MLKL: variants seen among roughly 807,000 people sequenced by gnomAD.
MLKL encodes the protein mixed lineage kinase domain like pseudokinase.
MLKL carries 55 observed loss-of-function variants against 56.5 expected under a neutral mutation model. That is an observed-to-expected ratio of 0.97 (90% CI 0.78 to 1.22). The LOEUF (loss-of-function observed/expected upper bound fraction) is 1.22. MLKL is among the 50% of genes most tolerant of loss of function. The pLI, the probability that MLKL is intolerant of heterozygous loss-of-function variation, is 0.00. For missense variants in MLKL, 694 were observed against 573.9 expected (o/e 1.21, Z -2.14); for synonymous variants, 251 against 208.3 (o/e 1.20, Z -1.76).
chr16:74,676,357 G>T, intron 7 of MLKL: 1 of 985,430 alleles, frequency 1.0e-6, no homozygotes, highest in African/African-American at 1.7e-5. Flanking sequence ...CTTGTCCCAT[G>T]CACACCTGCC....
At chr16:74,688,629 G>C (rs1384475688) in intron 4 of MLKL, among the ~76,000 whole-genome samples, 1 of 152,032 alleles carries the variant, frequency 6.6e-6, no homozygotes. Flanking sequence ...CATGAGAATT[G>C]CTTGAACCTA....
At chr16:74,676,784 T>C (rs1959622866) in intron 7 of MLKL, 1 of 152,264 alleles carries the variant, frequency 6.6e-6, no homozygotes, top group Non-Finnish European at 1.5e-5. Flanking sequence ...AAAATTCTTT[T>C]AGCATTTGGG....
rs1040564910 is a variant in MLKL at position 74,676,247 on chromosome 16, C to A, written c.1039-483G>T. The A allele has an allele frequency of 6.1e-6, 6 of 991,376 alleles. No individual in the cohort carries two copies. In the African/African-American group the frequency reaches 8.7e-5, roughly 14 times the overall value. 61.4% of individuals were successfully genotyped at this position (991,376 alleles called of 1,614,324 possible). A position where few individuals can be genotyped will look rare whatever the true frequency, so the allele number is the denominator to read the frequency against. ...TGACTTTATGGGGGGTCAGCCTGAT[C>A]CTTTGGCTTTGGCGTGACGAGTGTG... On this transcript the variant is annotated intron_variant, in intron 7 of 10. Coordinates refer to ENST00000308807, the MANE Select transcript of MLKL (RefSeq NM_152649.4).
chr16:74,688,161 G>T (rs1013794829), intron 4 of MLKL, among the ~76,000 whole-genome samples: 2 of 151,502 alleles, frequency 1.3e-5, no homozygotes, highest in Non-Finnish European at 2.9e-5. Context: ...GTGGAGATGG[G>T]GTTTCGCCAT....
chr16:74,685,464 C>G (rs369938423), intron 5 of MLKL, 22 bp downstream of exon 5: 6 of 1,590,144 alleles, frequency 3.8e-6, no homozygotes, highest in Non-Finnish European at 5.2e-6. Flanking sequence ...AAAGCTTGAC[C>G]AATCCTAGAA....
intron 5 of MLKL, among the ~76,000 whole-genome samples, chr16:74,684,887 C>T (rs555039440): frequency 7.2e-5 from 11 of 152,050 alleles, no homozygotes; most frequent in Admixed American, 2.6e-4. Flanking sequence ...ATTTTTGAGA[C>T]GGAGTCTTGC....
chr16:74,674,456 A>AT (rs532485718), intron 10 of MLKL, among the ~76,000 whole-genome samples: 1,861 of 142,936 alleles, frequency 0.013, 20 homozygotes, highest in South Asian at 0.024. Flanking sequence ...CCTGGCCAAC[A>AT]TTTTTTTTTT....
intron 10 of MLKL, among the ~76,000 whole-genome samples, chr16:74,673,727 A>G (rs938973221): frequency 6.6e-6 from 1 of 152,040 alleles, no homozygotes; most frequent in Non-Finnish European, 1.5e-5. Context: ...AAAAAAGGAG[A>G]AAGATAGTCA....
chr16:74,687,321 T>A (rs1262461958), intron 4 of MLKL, among the ~76,000 whole-genome samples: 1 of 152,156 alleles, frequency 6.6e-6, no homozygotes, highest in Non-Finnish European at 1.5e-5. Flanking sequence ...TCCCATGTTC[T>A]TGAATAGGAA....
Position 74,685,504 on chromosome 16 carries a change from T to C in MLKL, c.802A>G (p.Ile268Val), listed in dbSNP as rs1478089022. 1 of 1,614,032 alleles carries C rather than the reference T, an allele frequency of 6.2e-7. No homozygotes were observed. Among genetic ancestry groups the C allele is most frequent in the Admixed American group, 1.7e-5 (1 of 60,020 alleles). ...TCCTTACCTGTTTCATCAATGCAAA[T>C]CCCAAATATACGCAGGATGTTGGGA... Reference protein sequence around the residue: ...ESPNILRIFGICIDETVTPPQ... With the variant: ...ESPNILRIFGVCIDETVTPPQ... Residue 268 changes from isoleucine to valine, a missense_variant, in exon 5 of 11, where the codon ATT becomes GTT. By Grantham distance (29) the Ile-to-Val change is conservative. Transcript: ENST00000308807.
rs113786287 is a variant in MLKL at position 74,697,219 on chromosome 16, C to T, written c.-2-1460G>A. Among the ~76,000 whole-genome samples the T allele has an allele frequency of 4.8e-3, 734 of 151,704 alleles. 1 individual carries two copies. Among genetic ancestry groups the T allele is most frequent in the African/African-American group, 0.017 (689 of 41,338 alleles). On this transcript the variant is annotated intron_variant, in intron 1 of 10. Transcript: ENST00000308807. Reference sequence around the variant, plus strand: ...TGAACATGAGTGAGGAAGCACAGAGCCCTGATCCTAAAGCTTGGAATGAGG... The same window carrying T: ...TGAACATGAGTGAGGAAGCACAGAGTCCTGATCCTAAAGCTTGGAATGAGG...
In MLKL at chr16:74,684,041, A is replaced by G. The variant is rs182329709; in HGVS notation, c.821-1255T>C. Among the ~76,000 whole-genome samples the G allele has an allele frequency of 6.9e-3, 1,055 of 151,994 alleles. 9 individuals are homozygous for G. The highest frequency in any genetic ancestry group is 0.024 in the African/African-American group (1,002 of 41,454). ...TGGCTCACTGCAACCTCCGCCTCCC[A>G]GGTTCACGCAATTCTCCTGCCTCAG... On this transcript the variant is annotated intron_variant, in intron 5 of 10. Coordinates refer to ENST00000308807, the MANE Select transcript of MLKL (RefSeq NM_152649.4).
At chr16:74,691,162 T>C in intron 4 of MLKL, 115 bp downstream of exon 4, 4 of 937,328 alleles carry the variant, frequency 4.3e-6, no homozygotes, top group Middle Eastern at 5.0e-4. Context: ...GAGCACATAA[T>C]TTAACCCTTT....
intron 6 of MLKL, among the ~76,000 whole-genome samples, chr16:74,680,320 G>A (rs570944266): frequency 6.6e-6 from 1 of 152,284 alleles, no homozygotes; most frequent in Admixed American, 6.5e-5. Flanking sequence ...TTAGGGAGTT[G>A]AGAAGAAACA....
chr16:74,691,208 T>A (rs1286819214), intron 4 of MLKL, 69 bp downstream of exon 4: 71 of 1,423,896 alleles, frequency 5.0e-5, no homozygotes, highest in Non-Finnish European at 6.4e-5. Context: ...ATGGAGACGA[T>A]ATCCCTCTCT....
At chr16:74,674,835 A>G in intron 10 of MLKL, 125 bp downstream of exon 10, 1 of 1,176,722 alleles carries the variant, frequency 8.5e-7, no homozygotes, top group South Asian at 1.5e-5. Flanking sequence ...AGACATCACT[A>G]AATGTTCCCC....
In MLKL at chr16:74,695,301, T is replaced by C; in HGVS notation, c.457A>G (p.Arg153Gly). ...EDRRAFQMLR[R>G]DNEKIEASLR... ...CCCCACCAAAGACCCAGCTTGCCTC[T>C]TCTTAGCATCTGGAAAGCTCGCCTG... Residue 153 changes from arginine (R) to glycine (G), a missense_variant, in exon 2 of 11, where the codon AGA becomes GGA. Transcript: ENST00000308807. The C allele has an allele frequency of 6.2e-7, 1 of 1,613,072 alleles. No homozygotes were observed. Among genetic ancestry groups the C allele is most frequent in the Non-Finnish European group, 8.5e-7 (1 of 1,179,432 alleles).
At chr16:74,687,639 C>T (rs761099515) in intron 4 of MLKL, among the ~76,000 whole-genome samples, 7 of 151,632 alleles carry the variant, frequency 4.6e-5, no homozygotes, top group East Asian at 1.9e-4. Flanking sequence ...ATTGGGGGTC[C>T]GGAAATAAAC....
chr16:74,678,775 C>A, intron 7 of MLKL, 124 bp downstream of exon 7: 2 of 720,112 alleles, frequency 2.8e-6, no homozygotes, highest in South Asian at 1.8e-5. Flanking sequence ...GAAAGAGACT[C>A]TGTCTCTAAA....
Sources: allele counts gnomAD v4.1 joint callset (sites outside exome capture counted in the v4.1 genomes callset), GRCh38; gene constraint gnomAD v4.1.1; transcripts MANE v1.5; gene names NCBI Gene and HGNC (gene_info 2026-07-23, HGNC 2026-07-21).